PALM2AKAP2: variants seen among roughly 807,000 people sequenced by gnomAD.
The protein encoded by PALM2AKAP2 is PALM2-AKAP2 fusion protein.
PALM2AKAP2 carries 37 observed loss-of-function variants against 71.5 expected under a neutral mutation model. The observed-to-expected ratio is 0.52, with a 90% CI of 0.40 to 0.68. The LOEUF (loss-of-function observed/expected upper bound fraction) is 0.68. PALM2AKAP2 is among the 30% of genes least tolerant of loss of function. The pLI, the probability that PALM2AKAP2 is intolerant of heterozygous loss-of-function variation, is 0.00. For synonymous variants in PALM2AKAP2, 468 were observed against 478.8 expected (o/e 0.98, Z 0.29); for missense variants, 1,224 against 1,191.8 (o/e 1.03, Z -0.40).
intron 1 of PALM2AKAP2, among the ~76,000 whole-genome samples, chr9:110,101,074 C>A (rs1342461077): frequency 6.6e-6 from 1 of 152,094 alleles, no homozygotes; most frequent in Non-Finnish European, 1.5e-5. Context: ...GGATTTGAAG[C>A]CCTTGAGAGC....
At chr9:109,641,593 C>T (rs1228567216) in intron 1 of PALM2AKAP2, among the ~76,000 whole-genome samples, 2 of 152,160 alleles carry the variant, frequency 1.3e-5, no homozygotes, top group Non-Finnish European at 2.9e-5. Context: ...TGCATCCCTA[C>T]ATTGCTTTTT....
intron 1 of PALM2AKAP2, among the ~76,000 whole-genome samples, chr9:110,096,046 T>C (rs1377986343): frequency 6.6e-6 from 1 of 152,274 alleles, no homozygotes; most frequent in Non-Finnish European, 1.5e-5. Context: ...AGTTCCATGA[T>C]ACCCTTTTCT....
intron 1 of PALM2AKAP2, among the ~76,000 whole-genome samples, chr9:110,126,711 A>G (rs1345987257): frequency 6.6e-6 from 1 of 152,210 alleles, no homozygotes; most frequent in Non-Finnish European, 1.5e-5. Flanking sequence ...GCTGCTGCAG[A>G]AAAGGCAACA....
At chr9:110,168,364 T>C in intron 3 of PALM2AKAP2, 35 bp from the exon 11 acceptor site, 2 of 1,608,248 alleles carry the variant, frequency 1.2e-6, no homozygotes, top group Non-Finnish European at 1.7e-6. Flanking sequence ...TTAACATCCA[T>C]GAACTCTGCA....
chr9:110,125,267 C>G (rs1027520796), intron 1 of PALM2AKAP2, among the ~76,000 whole-genome samples: 2 of 152,216 alleles, frequency 1.3e-5, no homozygotes, highest in Non-Finnish European at 2.9e-5. Flanking sequence ...CACATCAATG[C>G]TAACTGATTC....
At chr9:110,089,752 AG>A (rs1203753065) in intron 1 of PALM2AKAP2, among the ~76,000 whole-genome samples, 1 of 152,158 alleles carries the variant, frequency 6.6e-6, no homozygotes, top group African/African-American at 2.4e-5. Context: ...CTCTCTGTAA[AG>A]GTGCCTTTGT....
chr9:109,811,017 T>C lies in PALM2AKAP2; in HGVS notation c.45+30484T>C, dbSNP rs73533231. Among the ~76,000 whole-genome samples, 1,048 of 152,098 alleles carry C rather than the reference T, an allele frequency of 6.9e-3. 11 individuals are homozygous for C. Among genetic ancestry groups the C allele is most frequent in the African/African-American group, 0.022 (923 of 41,486 alleles). On this transcript the variant is annotated intron_variant, in intron 1 of 9. Coordinates refer to the PALM2AKAP2 transcript ENST00000302798. ...GGAAGGGGGAAGAGGTGTTGGAAATTTGAGGAGAGAAGAGAAGGTGTGAAA... is the reference window on the plus strand; with the variant it reads ...GGAAGGGGGAAGAGGTGTTGGAAATCTGAGGAGAGAAGAGAAGGTGTGAAA...
At chr9:109,901,679 T>C (rs1032038479) in intron 3 of PALM2AKAP2, among the ~76,000 whole-genome samples, 28 of 152,222 alleles carry the variant, frequency 1.8e-4, no homozygotes, top group Middle Eastern at 3.4e-3. Context: ...TAAAGGCCGT[T>C]GTGAGGTTAG....
intron 6 of PALM2AKAP2, among the ~76,000 whole-genome samples, chr9:109,989,153 C>T (rs143002657): frequency 6.6e-6 from 1 of 152,310 alleles, no homozygotes; most frequent in East Asian, 1.9e-4. Context: ...ATTCTAGATA[C>T]TTTGGGATTG....
intron 1 of PALM2AKAP2, among the ~76,000 whole-genome samples, chr9:109,724,965 T>A (rs75609609): frequency 0.04 from 6,118 of 152,288 alleles, 185 homozygotes; most frequent in Non-Finnish European, 0.053. Flanking sequence ...GTACGGGAAT[T>A]CTTACACATC....
chr9:110,124,400 C>G (rs538260702), intron 1 of PALM2AKAP2, among the ~76,000 whole-genome samples: 17 of 152,344 alleles, frequency 1.1e-4, no homozygotes, highest in Admixed American at 9.1e-4. Flanking sequence ...TCTTTGACCT[C>G]TAAAATCTTA....
At chr9:110,089,838 C>G (rs889919850) in intron 1 of PALM2AKAP2, among the ~76,000 whole-genome samples, 2 of 152,136 alleles carry the variant, frequency 1.3e-5, no homozygotes, top group East Asian at 3.8e-4. Context: ...GAGCCAGCAG[C>G]CTTTTACAGG....
At position 109,656,208 on chromosome 9, in the gene PALM2AKAP2, C is replaced by T. The variant is rs900850133; in HGVS notation, c.5+15342C>T. ...CTCCAGGCAAAAGGAATGGCCAGTG[C>T]GAAGCCTGAGCTAGAAAGGGCGCCA... On this transcript the variant is annotated intron_variant, in intron 1 of 6. Coordinates refer to the PALM2AKAP2 transcript ENST00000374531. Among the ~76,000 whole-genome samples, 3 of 151,980 alleles carry T rather than the reference C, an allele frequency of 2.0e-5. No homozygotes were observed. The East Asian group carries it at 5.8e-4, about 29-fold the overall frequency.
chr9:110,097,408 C>A (rs865837824), intron 1 of PALM2AKAP2, among the ~76,000 whole-genome samples: 1 of 150,226 alleles, frequency 6.7e-6, no homozygotes, highest in African/African-American at 2.5e-5. Flanking sequence ...CACCTTTCCC[C>A]CCTTTCTATT....
chr9:109,644,132 C>T (rs1289568374), intron 1 of PALM2AKAP2, among the ~76,000 whole-genome samples: 1 of 152,202 alleles, frequency 6.6e-6, no homozygotes, highest in African/African-American at 2.4e-5. Flanking sequence ...ATGTACAACA[C>T]TGGGGATTAC....
chr9:109,970,438 T>G (rs574839518), intron 6 of PALM2AKAP2, among the ~76,000 whole-genome samples: 1 of 152,296 alleles, frequency 6.6e-6, no homozygotes, highest in East Asian at 1.9e-4. Context: ...GAGTCCTTCT[T>G]CACCTCTAGA....
intron 6 of PALM2AKAP2, among the ~76,000 whole-genome samples, chr9:109,959,379 C>T (rs1289301732): frequency 6.6e-6 from 1 of 152,108 alleles, no homozygotes. Flanking sequence ...GGGGTGGTGG[C>T]TCAAGCCTGT....
intron 6 of PALM2AKAP2, among the ~76,000 whole-genome samples, chr9:109,981,610 CA>C (rs1832272837): frequency 6.6e-6 from 1 of 152,216 alleles, no homozygotes; most frequent in Non-Finnish European, 1.5e-5. Flanking sequence ...GGAACTGAAA[CA>C]GGGACAGTGC....
At chr9:109,692,187 C>A (rs746700930) in intron 1 of PALM2AKAP2, among the ~76,000 whole-genome samples, 1 of 150,682 alleles carries the variant, frequency 6.6e-6, no homozygotes, top group African/African-American at 2.4e-5. Flanking sequence ...CAAAAATCAC[C>A]ATTTCATAGT....
Sources: allele counts gnomAD v4.1 joint callset (sites outside exome capture counted in the v4.1 genomes callset), GRCh38; gene constraint gnomAD v4.1.1; transcripts MANE v1.5; gene names NCBI Gene and HGNC (gene_info 2026-07-23, HGNC 2026-07-21).